NIPBL: variants seen among roughly 807,000 people sequenced by gnomAD.
NIPBL encodes nipped-B-like protein.
In NIPBL, 19 loss-of-function variants were observed where a neutral mutation model predicts 321.8. That is an observed-to-expected ratio of 0.06 (90% CI 0.04 to 0.09). The LOEUF (loss-of-function observed/expected upper bound fraction) is 0.09. Ranked by LOEUF, NIPBL falls within the 10% of genes least tolerant of loss-of-function variation. The probability of loss-of-function intolerance (pLI) is 1.00; values close to 1 mark genes in which losing one functional copy is unlikely to be tolerated. For missense variants in NIPBL, 2,210 were observed against 3,327.0 expected, an observed-to-expected ratio of 0.66 and a Z score of 8.26; for synonymous variants, 1,106 against 1,114.1, an observed-to-expected ratio of 0.99 and a Z score of 0.14.
chr5:37,010,422 T>C (rs1747980876), intron 21 of NIPBL, among the ~76,000 whole-genome samples, 197 bp downstream of exon 21: 1 of 152,182 alleles, frequency 6.6e-6, no homozygotes, highest in Non-Finnish European at 1.5e-5. Flanking sequence ...TTCAAGTGAT[T>C]CTCCTGCCTC....
intron 32 of NIPBL, among the ~76,000 whole-genome samples, chr5:37,033,730 A>ATATATATATATTT (rs775482943): frequency 4.6e-5 from 1 of 21,518 alleles, no homozygotes; most frequent in Non-Finnish European, 7.8e-5. Flanking sequence ...ATATATATAT[A>ATATATATATATTT]TTTTTTTTTT....
At chr5:37,001,533 G>T (rs1746801830) in intron 14 of NIPBL, among the ~76,000 whole-genome samples, 1 of 152,090 alleles carries the variant, frequency 6.6e-6, no homozygotes, top group Admixed American at 6.6e-5. Context: ...TATAATGAAG[G>T]TACTGATAGG....
At chr5:36,894,501 A>G (rs1339125470) in intron 1 of NIPBL, among the ~76,000 whole-genome samples, 4 of 152,206 alleles carry the variant, frequency 2.6e-5, no homozygotes, top group East Asian at 1.9e-4. Context: ...CGTATATACA[A>G]ATATATCCTA....
At position 36,958,186 on chromosome 5, in the gene NIPBL, A is replaced by G. The variant is rs376768802; in HGVS notation, c.313A>G (p.Asn105Asp). ...LLQAVLARSP[N>D]VFREKSMQNR... ...GCAGGCCGTCCTGGCAAGGAGTCCT[A>G]ATGTTTTCAGGGAGAAAAGCATGCA... is the stretch of plus-strand genomic sequence containing the variant. The change falls in exon 4 of 47, where the codon AAT becomes GAT. Residue 105 changes from asparagine (N) to aspartate (D), a missense_variant. Coordinates refer to ENST00000282516, the MANE Select transcript of NIPBL (RefSeq NM_133433.4). 2.0e-5 allele frequency: 32 copies of G among 1,613,804 alleles called. No individual in the cohort carries two copies. Among genetic ancestry groups the G allele is most frequent in the Non-Finnish European group, 2.5e-5 (29 of 1,179,924 alleles).
chr5:36,961,372 C>T lies in NIPBL; in HGVS notation c.359-112C>T, dbSNP rs564109665. 1,930 of 739,954 alleles carry T rather than the reference C, an allele frequency of 2.6e-3. 10 individuals carry two copies. The highest frequency in any genetic ancestry group is 3.2e-3 in the Non-Finnish European group (1,331 of 411,436). 45.8% of individuals were successfully genotyped at this position (739,954 alleles called of 1,614,324 possible). ...TATATTTTGCTCTTTGAAATGAAAA[C>T]ATTGATCAAAAAAATCTCTGGAATG... On this transcript the variant is annotated intron_variant, in intron 4 of 46. Coordinates refer to ENST00000282516, the MANE Select transcript of NIPBL (RefSeq NM_133433.4).
At chr5:37,001,113 T>A in intron 14 of NIPBL, 35 bp downstream of exon 14, 1 of 1,356,684 alleles carries the variant, frequency 7.4e-7, no homozygotes, top group Non-Finnish European at 1.1e-6. Flanking sequence ...ACACATACTC[T>A]AAGTGTCTTA....
chr5:36,897,790 CA>C (rs1297274100), intron 1 of NIPBL, among the ~76,000 whole-genome samples: 1 of 145,076 alleles, frequency 6.9e-6, no homozygotes, highest in Admixed American at 7.2e-5. Flanking sequence ...TATAGGGATG[CA>C]AAATAAATTC....
At chr5:36,990,228 T>C (rs1157050936) in intron 10 of NIPBL, among the ~76,000 whole-genome samples, 2 of 152,228 alleles carry the variant, frequency 1.3e-5, no homozygotes, top group East Asian at 3.8e-4. Flanking sequence ...AGCTAATGAT[T>C]GCAGGCCTTA....
At chr5:36,979,220 C>T (rs1428501403) in intron 9 of NIPBL, among the ~76,000 whole-genome samples, 1 of 151,690 alleles carries the variant, frequency 6.6e-6, no homozygotes, top group Non-Finnish European at 1.5e-5. Flanking sequence ...CTATCCATGA[C>T]CATGGAATGT....
At chr5:36,896,601 TTTTG>T (rs970284653) in intron 1 of NIPBL, among the ~76,000 whole-genome samples, 1 of 152,128 alleles carries the variant, frequency 6.6e-6, no homozygotes, top group Non-Finnish European at 1.5e-5. Context: ...TCCTTTAGTG[TTTTG>T]TTTGTTTGTT....
At chr5:36,926,328 T>G (rs1749358829) in intron 1 of NIPBL, among the ~76,000 whole-genome samples, 1 of 152,186 alleles carries the variant, frequency 6.6e-6, no homozygotes, top group Non-Finnish European at 1.5e-5. Context: ...AGGGCTTGGC[T>G]TTGTTCATGT....
intron 1 of NIPBL, among the ~76,000 whole-genome samples, 159 bp from the exon 2 acceptor site, chr5:36,953,459 T>C (rs749061477): frequency 6.6e-6 from 1 of 152,244 alleles, no homozygotes; most frequent in African/African-American, 2.4e-5. Context: ...CAAAGCACTT[T>C]GCAATTGCTT....
chr5:37,019,237 T>C, intron 24 of NIPBL, 74 bp from the exon 25 acceptor site: 1 of 957,096 alleles, frequency 1.0e-6, no homozygotes, highest in South Asian at 1.3e-5. Context: ...CCTTCAGATT[T>C]GTGTTTACAA....
intron 1 of NIPBL, among the ~76,000 whole-genome samples, 171 bp downstream of exon 1, chr5:36,877,349 G>A (rs1472457538): frequency 6.6e-6 from 1 of 152,184 alleles, no homozygotes; most frequent in Non-Finnish European, 1.5e-5. Context: ...GGGTAGCGGT[G>A]GTTTTGTACC....
chr5:36,916,107 G>C (rs1748438161), intron 1 of NIPBL, among the ~76,000 whole-genome samples: 2 of 152,164 alleles, frequency 1.3e-5, no homozygotes, highest in Admixed American at 1.3e-4. Flanking sequence ...ATTTCTTGAA[G>C]AAAAGGAAAG....
chr5:37,049,079 A>C (rs202122361), intron 39 of NIPBL, 32 bp from the exon 40 acceptor site: 1 of 1,606,460 alleles, frequency 6.2e-7, no homozygotes, highest in African/African-American at 1.3e-5. Context: ...AGGTGCTCTT[A>C]ATGTGTGTTT....
At chr5:36,950,087 CT>C (rs1341868590) in intron 1 of NIPBL, among the ~76,000 whole-genome samples, 6 of 152,008 alleles carry the variant, frequency 3.9e-5, no homozygotes, top group Middle Eastern at 3.4e-3. Flanking sequence ...TTTTTTTCTG[CT>C]TTCTGTCGCC....
intron 43 of NIPBL, 116 bp downstream of exon 43, chr5:37,057,448 T>C: frequency 1.9e-6 from 2 of 1,038,370 alleles, no homozygotes; most frequent in East Asian, 2.5e-5. Flanking sequence ...AAAATCTTTC[T>C]AAGTGAACTT....
At chr5:37,013,256 G>A (rs61638663) in intron 21 of NIPBL, among the ~76,000 whole-genome samples, 15,423 of 146,674 alleles carry the variant, frequency 0.11, 964 homozygotes, top group Admixed American at 0.17. Context: ...GGGCAGAGGC[G>A]CCCCTCACCT....
Sources: allele counts gnomAD v4.1 joint callset (sites outside exome capture counted in the v4.1 genomes callset), GRCh38; gene constraint gnomAD v4.1.1; transcripts MANE v1.5; gene names NCBI Gene and HGNC (gene_info 2026-07-23, HGNC 2026-07-21).